The following THSD7B variants were observed in gnomAD, a reference collection of about 807,000 sequenced individuals.
THSD7B encodes the protein thrombospondin type-1 domain-containing protein 7B.
In THSD7B, 138 loss-of-function variants were observed where a neutral mutation model predicts 213.6. That is an observed-to-expected ratio of 0.65 (90% CI 0.56 to 0.74). The LOEUF is 0.74. THSD7B is among the 30% of genes least tolerant of loss of function. THSD7B has a pLI of 0.00. For missense variants in THSD7B, 1,931 were observed against 1,991.5 expected (o/e 0.97, Z 0.58); for synonymous variants, 742 against 687.0 (o/e 1.08, Z -1.25).
chr2:137,174,700 AT>A (rs1475714400), intron 7 of THSD7B, among the ~76,000 whole-genome samples: 4 of 152,176 alleles, frequency 2.6e-5, no homozygotes, highest in Non-Finnish European at 5.9e-5. Context: ...TGCTTAATAG[AT>A]TGTATAAATG....
At chr2:137,662,052 T>C (rs1683354317) in intron 25 of THSD7B, among the ~76,000 whole-genome samples, 1 of 147,316 alleles carries the variant, frequency 6.8e-6, no homozygotes. Flanking sequence ...CTTCAGGTGT[T>C]TTCTTTTTTC....
intron 5 of THSD7B, among the ~76,000 whole-genome samples, chr2:137,150,146 G>A (rs1471701029): frequency 6.6e-6 from 1 of 151,924 alleles, no homozygotes; most frequent in Non-Finnish European, 1.5e-5. Context: ...GGAGGCTGAG[G>A]CAGGAGAATC....
At chr2:137,157,709 A>G (rs1028143876) in intron 5 of THSD7B, among the ~76,000 whole-genome samples, 2 of 152,212 alleles carry the variant, frequency 1.3e-5, no homozygotes, top group African/African-American at 4.8e-5. Context: ...TGGGAATGTG[A>G]ATAAGTGAAC....
chr2:137,238,458 A>G (rs1681816559), intron 9 of THSD7B, among the ~76,000 whole-genome samples: 1 of 151,492 alleles, frequency 6.6e-6, no homozygotes, highest in Non-Finnish European at 1.5e-5. Flanking sequence ...TATCTTAACT[A>G]AAGTATGATA....
intron 14 of THSD7B, among the ~76,000 whole-genome samples, chr2:137,433,838 C>G (rs150406001): frequency 1.6e-4 from 24 of 152,294 alleles, no homozygotes; most frequent in Non-Finnish European, 2.8e-4. Context: ...TTTTTAAGAA[C>G]TGCTATAAAG....
intron 2 of THSD7B, among the ~76,000 whole-genome samples, chr2:137,004,295 G>A (rs1003424114): frequency 1.2e-4 from 8 of 67,352 alleles, no homozygotes; most frequent in Middle Eastern, 7.2e-3. Flanking sequence ...GTGTGCACAC[G>A]TACACACACA....
In THSD7B at chr2:137,272,560, A is replaced by G; in HGVS notation, c.2294A>G (p.Tyr765Cys). ...AGNATVKQSR[Y>C]RIIIQEAANG... Reference sequence around the variant, plus strand: ...AATGCCACAGTAAAACAGTCTCGATACAGAATCATCATCCAAGAAGCAGCC... The same window carrying G: ...AATGCCACAGTAAAACAGTCTCGATGCAGAATCATCATCCAAGAAGCAGCC... The change falls in exon 11 of 28, where the codon TAC (tyrosine) becomes TGC (cysteine). Residue 765 changes from tyrosine (Y) to cysteine (C), a missense_variant. Coordinates refer to ENST00000409968, the MANE Select transcript of THSD7B (RefSeq NM_001316349.2). 1.9e-6 allele frequency: 3 copies of G among 1,611,670 alleles called. No individual in the cohort carries two copies. The highest frequency in any genetic ancestry group is 2.5e-6 in the Non-Finnish European group (3 of 1,178,850).
rs151243276 is a variant in THSD7B at position 137,237,864 on chromosome 2, C to A, written c.2151-4593C>A. On this transcript the variant is annotated intron_variant, in intron 9 of 27. Transcript: ENST00000409968. Reference sequence around the variant, plus strand: ...ATTGGCAGGGGAAGTGACAAAAAGACAATTTCCATTGCAACAAAATATTTG... The same window carrying A: ...ATTGGCAGGGGAAGTGACAAAAAGAAAATTTCCATTGCAACAAAATATTTG... Among the ~76,000 whole-genome samples, 1,105 of 152,292 alleles carry A rather than the reference C, an allele frequency of 7.3e-3. 9 individuals are homozygous for A. The Middle Eastern group carries it at 0.082, about 11-fold the overall frequency.
At chr2:137,622,850 C>CA (rs1208349682) in intron 20 of THSD7B, among the ~76,000 whole-genome samples, 8 of 151,896 alleles carry the variant, frequency 5.3e-5, no homozygotes, top group Non-Finnish European at 7.4e-5. Context: ...GACTACCAAC[C>CA]AAAAAAAGTC....
intron 12 of THSD7B, among the ~76,000 whole-genome samples, chr2:137,336,278 A>C (rs1449403797): frequency 6.6e-6 from 1 of 152,178 alleles, no homozygotes; most frequent in African/African-American, 2.4e-5. Flanking sequence ...TGCAGGAAAA[A>C]CCAGTAAGTT....
intron 19 of THSD7B, among the ~76,000 whole-genome samples, chr2:137,619,608 C>G (rs1332011564): frequency 1.7e-5 from 2 of 116,392 alleles, no homozygotes; most frequent in African/African-American, 6.0e-5. Context: ...ATCTACAACT[C>G]CCAATAGGTG....
intron 2 of THSD7B, among the ~76,000 whole-genome samples, chr2:136,973,675 A>T (rs954538824): frequency 1.3e-5 from 2 of 152,152 alleles, no homozygotes; most frequent in African/African-American, 4.8e-5. Context: ...AAGCTGTTGT[A>T]ATTACCCATC....
At chr2:136,794,310 T>C (rs1365837990) in intron 1 of THSD7B, among the ~76,000 whole-genome samples, 1 of 151,816 alleles carries the variant, frequency 6.6e-6, no homozygotes, top group Admixed American at 6.6e-5. Context: ...ATTGATCTTT[T>C]ACCTTTATAC....
chr2:137,584,408 T>C (rs184110959), intron 17 of THSD7B, among the ~76,000 whole-genome samples: 2 of 152,340 alleles, frequency 1.3e-5, no homozygotes, highest in South Asian at 2.1e-4. Flanking sequence ...ATTCCTGTCT[T>C]GTGCCAGTTT....
chr2:137,074,152 G>A (rs1289525103), intron 3 of THSD7B, among the ~76,000 whole-genome samples: 1 of 151,140 alleles, frequency 6.6e-6, no homozygotes, highest in African/African-American at 2.5e-5. Context: ...TTAACTTTCT[G>A]TCTCGTTGAT....
chr2:137,303,746 A>T (rs370822281), intron 12 of THSD7B, among the ~76,000 whole-genome samples: 2 of 142,918 alleles, frequency 1.4e-5, no homozygotes, highest in Non-Finnish European at 1.5e-5. Context: ...ATATTTATAT[A>T]TATATACAGA....
At chr2:136,834,552 G>A (rs1312304435) in intron 1 of THSD7B, among the ~76,000 whole-genome samples, 1 of 151,918 alleles carries the variant, frequency 6.6e-6, no homozygotes. Flanking sequence ...ACATATTTGT[G>A]GAGTTCTCAG....
At chr2:137,482,094 C>G (rs1254566242) in intron 15 of THSD7B, among the ~76,000 whole-genome samples, 1 of 151,484 alleles carries the variant, frequency 6.6e-6, no homozygotes, top group Non-Finnish European at 1.5e-5. Context: ...AGGAGAATGG[C>G]ACGTGAACCT....
chr2:136,993,336 A>G (rs1466688116), intron 2 of THSD7B, among the ~76,000 whole-genome samples: 2 of 152,372 alleles, frequency 1.3e-5, no homozygotes, highest in East Asian at 3.9e-4. Context: ...AAAATCAGAA[A>G]CAGACACTAA....
Sources: allele counts gnomAD v4.1 joint callset (sites outside exome capture counted in the v4.1 genomes callset), GRCh38; gene constraint gnomAD v4.1.1; transcripts MANE v1.5; gene names NCBI Gene and HGNC (gene_info 2026-07-23, HGNC 2026-07-21).